Variants in DYRK1A observed in about 807,000 individuals in gnomAD.
DYRK1A encodes the protein dual specificity tyrosine-phosphorylation-regulated kinase 1A.
In DYRK1A, 9 loss-of-function variants were observed where a neutral mutation model predicts 79.7. The observed-to-expected ratio is 0.11, with a 90% CI of 0.07 to 0.20. The LOEUF (loss-of-function observed/expected upper bound fraction) is 0.20. Ranked by LOEUF, DYRK1A falls within the 10% of genes least tolerant of loss-of-function variation. DYRK1A has a pLI of 1.00. For synonymous variants in DYRK1A, 349 were observed against 329.7 expected, an observed-to-expected ratio of 1.06 and a Z score of -0.63; for missense variants, 622 against 956.0, an observed-to-expected ratio of 0.65 and a Z score of 4.61.
At chr21:37,414,712 G>C (rs1348100988) in intron 1 of DYRK1A, among the ~76,000 whole-genome samples, 2 of 152,164 alleles carry the variant, frequency 1.3e-5, no homozygotes, top group Non-Finnish European at 2.9e-5. Context: ...GTGTCTACTT[G>C]ATAGACCAGT....
intron 1 of DYRK1A, among the ~76,000 whole-genome samples, chr21:37,376,169 A>G (rs1409020476): frequency 1.3e-5 from 2 of 152,124 alleles, no homozygotes; most frequent in African/African-American, 4.8e-5. Context: ...AATGTTTTGG[A>G]AAGGAGGGAA....
intron 11 of DYRK1A, chr21:37,506,445 T>G: frequency 7.3e-7 from 1 of 1,364,974 alleles, no homozygotes. Flanking sequence ...TAACAGTTGT[T>G]GTTTTGAACA....
At chr21:37,383,837 A>ATATG (rs1555950696) in intron 1 of DYRK1A, among the ~76,000 whole-genome samples, 1 of 148,370 alleles carries the variant, frequency 6.7e-6, no homozygotes, top group Non-Finnish European at 1.5e-5. Flanking sequence ...GTAATGGTGT[A>ATATG]TGTGTGTGTG....
rs2148662293 is a variant in DYRK1A at position 37,512,045 on chromosome 21, T to C, written c.1779T>C (p.His593=). The part of the protein sequence containing the change: ...APQQNALHHH[H]GNSSHHHHHH... ...AACAGAATGCATTGCATCATCACCATGGTAACAGTTCCCATCACCATCACC... is the reference window on the plus strand; with the variant it reads ...AACAGAATGCATTGCATCATCACCACGGTAACAGTTCCCATCACCATCACC... The change falls in exon 12 of 12, where the codon CAT becomes CAC. Residue 593 remains histidine, a synonymous_variant. Coordinates refer to ENST00000647188, the MANE Select transcript of DYRK1A (RefSeq NM_001347721.2). 1 of 1,614,102 alleles carries C rather than the reference T, an allele frequency of 6.2e-7. No homozygotes were observed.
chr21:37,434,103 A>G (rs2050854494), intron 2 of DYRK1A, among the ~76,000 whole-genome samples: 1 of 152,142 alleles, frequency 6.6e-6, no homozygotes, highest in Non-Finnish European at 1.5e-5. Context: ...ATGGTGGAAA[A>G]GTGGCTTCAG....
At chr21:37,502,234 T>A (rs528760406) in intron 9 of DYRK1A, 16 of 152,356 alleles carry the variant, frequency 1.1e-4, no homozygotes, top group African/African-American at 3.6e-4. Context: ...GTCGTTTTTT[T>A]AATCTAGTCT....
chr21:37,424,662 G>T (rs1206898228), intron 2 of DYRK1A, among the ~76,000 whole-genome samples: 3 of 152,078 alleles, frequency 2.0e-5, no homozygotes, highest in African/African-American at 7.2e-5. Context: ...AATTACTTTA[G>T]ATATTTATTT....
intron 1 of DYRK1A, among the ~76,000 whole-genome samples, chr21:37,417,298 C>T (rs1208537446): frequency 6.6e-6 from 1 of 151,984 alleles, no homozygotes; most frequent in African/African-American, 2.4e-5. Flanking sequence ...TCAAGCAATT[C>T]TTCTGCCTCA....
At position 37,523,751 on chromosome 21, in the gene DYRK1A, G is replaced by A. The variant is rs1160163557; in HGVS notation, c.*11220G>A. The stretch of plus-strand genomic sequence containing the variant: ...ATCAAATGATATTTCAGGACATAGG[G>A]AAATTATATGACATTTGAATTTCAG... On this transcript the variant is annotated 3_prime_UTR_variant, in exon 12 of 12. Coordinates refer to ENST00000647188, the MANE Select transcript of DYRK1A (RefSeq NM_001347721.2). 6.6e-6 allele frequency: 1 copy of A among 152,200 alleles called. No individual in the cohort carries two copies. The highest frequency in any genetic ancestry group is 1.5e-5 in the Non-Finnish European group (1 of 68,038). The allele number at this position is 152,200 out of a possible 1,614,324, so 9.4% of individuals were successfully genotyped here.
At chr21:37,404,099 G>C (rs1411952158) in intron 1 of DYRK1A, among the ~76,000 whole-genome samples, 1 of 152,008 alleles carries the variant, frequency 6.6e-6, no homozygotes, top group African/African-American at 2.4e-5. Context: ...TGTGTATTAG[G>C]GTTCTCCAGA....
intron 2 of DYRK1A, among the ~76,000 whole-genome samples, chr21:37,446,906 C>G (rs1354894117): frequency 6.6e-6 from 1 of 152,176 alleles, no homozygotes; most frequent in Admixed American, 6.5e-5. Context: ...TGTGCTCCCT[C>G]TGTGATTTGG....
At chr21:37,448,126 A>G (rs2051330464) in intron 2 of DYRK1A, among the ~76,000 whole-genome samples, 1 of 152,172 alleles carries the variant, frequency 6.6e-6, no homozygotes, top group Non-Finnish European at 1.5e-5. Context: ...TTGATTCCCA[A>G]AATGTAGTCG....
intron 1 of DYRK1A, among the ~76,000 whole-genome samples, chr21:37,370,119 A>G (rs2049400940): frequency 6.6e-6 from 1 of 152,136 alleles, no homozygotes; most frequent in African/African-American, 2.4e-5. Flanking sequence ...AACTGCAACA[A>G]TGTATTTAGG....
chr21:37,472,639 T>A, intron 2 of DYRK1A, 45 bp from the exon 3 acceptor site: 1 of 1,429,832 alleles, frequency 7.0e-7, no homozygotes, highest in South Asian at 1.5e-5. Flanking sequence ...GATACAAACA[T>A]TAGGATATGA....
intron 6 of DYRK1A, chr21:37,488,140 T>C (rs553307599): frequency 6.4e-6 from 1 of 156,168 alleles, no homozygotes; most frequent in South Asian, 2.0e-4. Flanking sequence ...TTATGTATAA[T>C]GCTAGTATTT....
In DYRK1A at chr21:37,392,968, T is replaced by C. The variant is rs182910999; in HGVS notation, c.-77+25340T>C. On this transcript the variant is annotated intron_variant, in intron 1 of 11. Transcript: ENST00000647188. Reference sequence around the variant, plus strand: ...AAAGAGCAGAAGAGACCAAACTTCCTCTGTTAAGCCCTTTTATAATGGCAT... The same window carrying C: ...AAAGAGCAGAAGAGACCAAACTTCCCCTGTTAAGCCCTTTTATAATGGCAT... Among the ~76,000 whole-genome samples, 13 of 152,366 alleles carry C rather than the reference T, an allele frequency of 8.5e-5. No homozygotes were observed. In the East Asian group the frequency reaches 2.5e-3, roughly 29 times the overall value.
Position 37,490,251 on chromosome 21 carries a change from C to T in DYRK1A, c.714C>T (p.Asp238=), listed in dbSNP as rs1049785. 3 of 1,613,830 alleles carry T rather than the reference C, an allele frequency of 1.9e-6. No homozygotes were observed. The highest frequency in any genetic ancestry group is 2.5e-6 in the Non-Finnish European group (3 of 1,179,766). ...VFEMLSYNLY[D]LLRNTNFRGV... Reference sequence around the variant, plus strand: ...AAATGCTGTCCTACAACCTCTATGACTTGCTGAGAAACACCAATTTCCGAG... The same window carrying T: ...AAATGCTGTCCTACAACCTCTATGATTTGCTGAGAAACACCAATTTCCGAG... Residue 238 remains aspartate, a synonymous_variant, in exon 7 of 12, where the codon GAC becomes GAT. Coordinates refer to ENST00000647188, the MANE Select transcript of DYRK1A (RefSeq NM_001347721.2).
intron 2 of DYRK1A, among the ~76,000 whole-genome samples, chr21:37,437,407 A>T (rs761104853): frequency 3.0e-4 from 45 of 152,090 alleles, no homozygotes; most frequent in Admixed American, 9.2e-4. Flanking sequence ...GAGTGGAGGG[A>T]AGGGATTGAT....
intron 8 of DYRK1A, among the ~76,000 whole-genome samples, chr21:37,495,452 GT>G (rs1399701868): frequency 1.3e-5 from 2 of 152,172 alleles, no homozygotes. Flanking sequence ...GAGGTCAAGA[GT>G]TTAAGACCAG....
Sources: allele counts gnomAD v4.1 joint callset (sites outside exome capture counted in the v4.1 genomes callset), GRCh38; gene constraint gnomAD v4.1.1; transcripts MANE v1.5; gene names NCBI Gene and HGNC (gene_info 2026-07-23, HGNC 2026-07-21).